The following SLC24A2 variants were observed in gnomAD, a reference collection of about 807,000 sequenced individuals.
The protein encoded by SLC24A2 is sodium/potassium/calcium exchanger 2.
A neutral mutation model predicts 62.0 loss-of-function variants in SLC24A2; 36 were observed. The ratio of observed to expected loss-of-function variants is 0.58; its 90% confidence interval spans 0.44 to 0.77. The LOEUF (loss-of-function observed/expected upper bound fraction) is 0.77, where lower values mean the gene tolerates loss of function less well. Among genes scored for constraint, SLC24A2 ranks in the 30% least tolerant of loss-of-function variants. SLC24A2 has a pLI of 0.00. For missense variants in SLC24A2, 846 were observed against 817.9 expected (o/e 1.03, Z -0.42); for synonymous variants, 358 against 294.0 (o/e 1.22, Z -2.23).
the SLC24A2 span, among the ~76,000 whole-genome samples, chr9:20,092,854 C>G: frequency 6.6e-6 from 1 of 152,120 alleles, no homozygotes; most frequent in African/African-American, 2.4e-5. Flanking sequence ...CATCTTAAAA[C>G]TGAAAGCTGA....
At chr9:19,939,995 A>T in the SLC24A2 span, among the ~76,000 whole-genome samples, 1 of 152,220 alleles carries the variant, frequency 6.6e-6, no homozygotes, top group African/African-American at 2.4e-5. Context: ...TAGCACTTCA[A>T]CTGATTGAAC....
chr9:19,936,351 G>A, the SLC24A2 span, among the ~76,000 whole-genome samples: 2 of 152,164 alleles, frequency 1.3e-5, no homozygotes, highest in African/African-American at 2.4e-5. Context: ...AGGGCTCACT[G>A]CAGCCTTGAC....
Position 19,649,001 on chromosome 9 carries a change from C to CAAAA in SLC24A2, c.931-26706_931-26703dup, listed in dbSNP as rs66653116. Among the ~76,000 whole-genome samples, 60 of 108,774 alleles carry CAAAA rather than the reference C, an allele frequency of 5.5e-4. 1 individual carries two copies. The highest frequency in any genetic ancestry group is 7.7e-4 in the African/African-American group (23 of 29,874). The allele number at this position is 108,774 out of a possible 152,430, so 71.4% of individuals were successfully genotyped here. A position where few individuals can be genotyped will look rare whatever the true frequency, so the allele number is the denominator to read the frequency against. On this transcript the variant is annotated intron_variant, in intron 2 of 10. Transcript: ENST00000341998. ...AATTTTGTCATGTTTGATTAAAAACCAAAAAAAAAAAAAAAAAACAAAAAA... is the reference window on the plus strand; with the variant it reads ...AATTTTGTCATGTTTGATTAAAAACCAAAAAAAAAAAAAAAAAAAAAACAAAAAA...
intron 5 of SLC24A2, among the ~76,000 whole-genome samples, chr9:19,587,980 G>A (rs905608463): frequency 6.6e-6 from 1 of 152,178 alleles, no homozygotes; most frequent in Non-Finnish European, 1.5e-5. Context: ...TTTTCAGGAA[G>A]ACTGTGGCTT....
At chr9:20,269,656 A>T in the SLC24A2 span, among the ~76,000 whole-genome samples, 1 of 152,052 alleles carries the variant, frequency 6.6e-6, no homozygotes, top group South Asian at 2.1e-4. Context: ...GAGAAGTACA[A>T]CCTGCTCCCC....
chr9:20,058,223 T>C, the SLC24A2 span, among the ~76,000 whole-genome samples: 2 of 152,256 alleles, frequency 1.3e-5, no homozygotes, highest in South Asian at 2.1e-4. Flanking sequence ...TAAAACTTAA[T>C]TGAATAGAAG....
intron 7 of SLC24A2, among the ~76,000 whole-genome samples, chr9:19,560,438 T>C (rs952013731): frequency 9.2e-5 from 14 of 151,990 alleles, no homozygotes; most frequent in African/African-American, 2.7e-4. Context: ...TCATAAGATA[T>C]ACCAGAAGGC....
chr9:19,788,724 A>C (rs1823253905), intron 1 of SLC24A2, 161 bp downstream of exon 1: 1 of 985,288 alleles, frequency 1.0e-6, no homozygotes, highest in Non-Finnish European at 1.2e-6. Context: ...GCCCCGGAGC[A>C]CAGAGAGTTG....
chr9:20,086,955 C>G, the SLC24A2 span, among the ~76,000 whole-genome samples: 3 of 152,114 alleles, frequency 2.0e-5, no homozygotes, highest in Admixed American at 2.0e-4. Flanking sequence ...TATGCTCTTC[C>G]CTAGAATGAT....
chr9:20,141,676 C>T, the SLC24A2 span, among the ~76,000 whole-genome samples: 1 of 151,944 alleles, frequency 6.6e-6, no homozygotes, highest in Non-Finnish European at 1.5e-5. Context: ...AATCATGATG[C>T]TGCCCTTTCT....
the SLC24A2 span, among the ~76,000 whole-genome samples, chr9:20,226,780 G>T: frequency 3.9e-5 from 6 of 152,206 alleles, no homozygotes; most frequent in South Asian, 1.2e-3. Context: ...TATTGCATGG[G>T]CCTCTGCAAC....
intron 2 of SLC24A2, among the ~76,000 whole-genome samples, chr9:19,669,550 G>A (rs996491664): frequency 6.6e-6 from 1 of 152,206 alleles, no homozygotes; most frequent in East Asian, 1.9e-4. Flanking sequence ...GGATCTCACT[G>A]AGCTAAAAGC....
chr9:20,117,632 G>C, the SLC24A2 span, among the ~76,000 whole-genome samples: 1 of 152,146 alleles, frequency 6.6e-6, no homozygotes, highest in Non-Finnish European at 1.5e-5. Context: ...CTTTAAAAGT[G>C]AGGAAACTGA....
the SLC24A2 span, among the ~76,000 whole-genome samples, chr9:19,907,233 T>C: frequency 5.3e-5 from 8 of 152,302 alleles, no homozygotes; most frequent in East Asian, 1.5e-3. Flanking sequence ...AACCATATGA[T>C]TATCTCAATA....
chr9:19,660,964 G>A (rs1819080705), intron 2 of SLC24A2, among the ~76,000 whole-genome samples: 2 of 152,188 alleles, frequency 1.3e-5, no homozygotes, highest in Non-Finnish European at 2.9e-5. Context: ...ATGTCTGTCT[G>A]AGCTCGGACA....
At chr9:20,273,747 G>C in the SLC24A2 span, among the ~76,000 whole-genome samples, 2 of 152,042 alleles carry the variant, frequency 1.3e-5, no homozygotes, top group Non-Finnish European at 2.9e-5. Context: ...GTGTGAAAAT[G>C]GACTAATACA....
the SLC24A2 span, among the ~76,000 whole-genome samples, chr9:20,022,728 AAAG>A: frequency 1.3e-5 from 2 of 152,210 alleles, no homozygotes; most frequent in South Asian, 2.1e-4. Context: ...CTGTTATTAA[AAAG>A]AAGAACAGTC....
At chr9:19,770,965 G>C (rs1474324080) in intron 2 of SLC24A2, among the ~76,000 whole-genome samples, 4 of 152,152 alleles carry the variant, frequency 2.6e-5, no homozygotes, top group Admixed American at 6.5e-5. Context: ...AACTCCAGAA[G>C]ATTCATCCTG....
chr9:19,807,117 T>C, the SLC24A2 span, among the ~76,000 whole-genome samples: 3 of 152,234 alleles, frequency 2.0e-5, no homozygotes, highest in African/African-American at 7.2e-5. Context: ...AAAAAAGAAA[T>C]GAAAAGTGGA....
Sources: gnomAD v4.1 joint callset for allele counts (sites outside exome capture counted in the v4.1 genomes callset) on GRCh38, gnomAD v4.1.1 for gene constraint, MANE v1.5 for transcripts, NCBI Gene and HGNC (gene_info 2026-07-23, HGNC 2026-07-21) for gene names.